Variants in PATL1 observed in about 807,000 individuals in gnomAD.
PATL1 encodes the protein PAT1 homolog 1, processing body mRNA decay factor.
Under a neutral mutation model 100.6 loss-of-function variants are expected in PATL1, and 32 were observed. The observed-to-expected ratio is 0.32, with a 90% CI of 0.24 to 0.43. The LOEUF is 0.43. PATL1 is among the 20% of genes least tolerant of loss of function. PATL1 has a pLI of 1.00. For missense variants in PATL1, 747 were observed against 949.9 expected (o/e 0.79, Z 2.81); for synonymous variants, 332 against 330.0 (o/e 1.01, Z -0.07).
In PATL1 at chr11:59,655,984, T is replaced by G; in HGVS notation, c.785A>C (p.Gln262Pro). 3.8e-6 allele frequency: 6 copies of G among 1,599,834 alleles called. No homozygotes were observed. The highest frequency in any genetic ancestry group is 5.1e-6 in the Non-Finnish European group (6 of 1,175,196). The change falls in exon 7 of 19, where the codon CAG becomes CCG. Residue 262 changes from glutamine (Q) to proline (P), a missense_variant. By Grantham distance (76) the Gln-to-Pro change is moderately conservative. Coordinates refer to ENST00000300146, the MANE Select transcript of PATL1 (RefSeq NM_152716.3). ...PSVPPVLSPL[Q>P]RAQLLGGAQL... is the part of the protein sequence containing the mutation. ...TGCTCCTCCAAGAAGCTGTGCTCTC[T>G]GGAGGGGGCTGAGAACAGGAGGAAC...
At chr11:59,664,237 A>G (rs181659400) in intron 2 of PATL1, among the ~76,000 whole-genome samples, 2 of 152,174 alleles carry the variant, frequency 1.3e-5, no homozygotes, top group East Asian at 3.9e-4. Flanking sequence ...CTTCTTTCCC[A>G]TCATATAAAA....
At chr11:59,661,160 CT>C (rs1289024669) in intron 2 of PATL1, among the ~76,000 whole-genome samples, 1 of 152,212 alleles carries the variant, frequency 6.6e-6, no homozygotes, top group Non-Finnish European at 1.5e-5. Context: ...ATCTGGCTCA[CT>C]GCAGTCTCAA....
chr11:59,656,180 GA>G, intron 6 of PATL1, 135 bp from the exon 7 acceptor site: 2 of 578,380 alleles, frequency 3.5e-6, no homozygotes, highest in Non-Finnish European at 2.9e-6. Context: ...CTCTGGAATA[GA>G]AAAAAAGAGT....
chr11:59,663,982 T>TA (rs1861657296), intron 2 of PATL1, among the ~76,000 whole-genome samples: 1 of 152,180 alleles, frequency 6.6e-6, no homozygotes, highest in Admixed American at 6.5e-5. Context: ...ACCAAGCTGT[T>TA]ATGAGGAATT....
intron 2 of PATL1, among the ~76,000 whole-genome samples, chr11:59,665,800 T>C (rs115840223): frequency 4.6e-5 from 7 of 151,814 alleles, no homozygotes; most frequent in Non-Finnish European, 1.0e-4. Context: ...CAAATATATG[T>C]GTATGTATAC....
chr11:59,646,021 ATTC>A (rs1048623812), intron 15 of PATL1, among the ~76,000 whole-genome samples: 7 of 152,158 alleles, frequency 4.6e-5, no homozygotes, highest in African/African-American at 1.2e-4. Context: ...GCATTTTTGC[ATTC>A]TTATCTTTTA....
chr11:59,655,684 A>G lies in PATL1; in HGVS notation c.870T>C (p.Gly290=), dbSNP rs536047112. 2 of 1,605,440 alleles carry G rather than the reference A, an allele frequency of 1.2e-6. No individual in the cohort carries two copies. The highest frequency in any genetic ancestry group is 2.2e-5 in the East Asian group (1 of 44,598). ...SQFARVPGFV[G]SPLAAMNPKL... ...TGGGATTCATGGCAGCAAGTGGACT[A>G]CCAACAAATCCAGGGACCCGTGCAA... is the stretch of plus-strand genomic sequence containing the variant. Residue 290 remains glycine, a synonymous_variant, in exon 8 of 19, where the codon GGT becomes GGC. Transcript: ENST00000300146.
Position 59,666,966 on chromosome 11 carries a change from T to A in PATL1, c.16-2A>T, listed in dbSNP as rs1565137455. The A allele has an allele frequency of 4.0e-6, 6 of 1,514,594 alleles. No homozygotes were observed. In the Admixed American group the frequency reaches 1.1e-4, roughly 28 times the overall value. The allele number at this position is 1,514,594 out of a possible 1,614,324, so 93.8% of individuals were successfully genotyped here. ...ATCCAGAGGACAATCCTCCAAAGAC[T>A]AAAAAAAAAGAAAAGACATTAGTTA... On this transcript the variant is annotated splice_acceptor_variant, in intron 1 of 18. Transcript: ENST00000300146. LOFTEE classifies it high-confidence loss of function.
At position 59,650,730 on chromosome 11, in the gene PATL1, T is replaced by A. The variant is rs910717771; in HGVS notation, c.1584+24A>T. 3 of 1,510,738 alleles carry A rather than the reference T, an allele frequency of 2.0e-6. No homozygotes were observed. The East Asian group carries it at 7.2e-5, about 36-fold the overall frequency. 93.6% of individuals were successfully genotyped at this position (1,510,738 alleles called of 1,614,324 possible). A position where few individuals can be genotyped will look rare whatever the true frequency, so the allele number is the denominator to read the frequency against. ...TGACAGTTCCGTATTTGAAACTAAC[T>A]ACAGCAACAAATTCTAAACTTACTT... On this transcript the variant is annotated intron_variant, in intron 13 of 18. Coordinates refer to ENST00000300146, the MANE Select transcript of PATL1 (RefSeq NM_152716.3).
In PATL1 at chr11:59,655,962, T is replaced by C. The variant is rs1861523696; in HGVS notation, c.807A>G (p.Gly269=). 5 of 1,587,784 alleles carry C rather than the reference T, an allele frequency of 3.1e-6. No individual in the cohort carries two copies. The highest frequency in any genetic ancestry group is 4.3e-6 in the Non-Finnish European group (5 of 1,166,558). The change falls in exon 7 of 19, where the codon GGA becomes GGG. Residue 269 remains glycine, a synonymous_variant. Transcript: ENST00000300146. The stretch of plus-strand genomic sequence containing the variant: ...GGGCTAATCACAGGCTTACCTGTGC[T>C]CCTCCAAGAAGCTGTGCTCTCTGGA... ...SPLQRAQLLG[G]AQLQPGRMSP...
At chr11:59,665,071 C>T (rs1861669290) in intron 2 of PATL1, among the ~76,000 whole-genome samples, 2 of 152,182 alleles carry the variant, frequency 1.3e-5, no homozygotes, top group African/African-American at 4.8e-5. Context: ...GTCTTTGATT[C>T]CTTTCCATCA....
intron 2 of PATL1, among the ~76,000 whole-genome samples, 168 bp downstream of exon 2, chr11:59,666,685 A>G (rs1861695647): frequency 6.6e-6 from 1 of 152,248 alleles, no homozygotes; most frequent in Non-Finnish European, 1.5e-5. Context: ...GGAGCAGGAT[A>G]GGTGCTGTTT....
chr11:59,668,383 G>A (rs1861721979), intron 1 of PATL1, among the ~76,000 whole-genome samples: 2 of 152,140 alleles, frequency 1.3e-5, no homozygotes, highest in African/African-American at 2.4e-5. Context: ...AACGGGCTGG[G>A]GCCCTAATCC....
chr11:59,657,942 T>C (rs1286370613), intron 4 of PATL1, among the ~76,000 whole-genome samples: 7 of 151,910 alleles, frequency 4.6e-5, no homozygotes, highest in African/African-American at 1.7e-4. Flanking sequence ...GGTGGGAGGA[T>C]CACTTGAAGC....
chr11:59,639,840 A>T (rs897676389), intron 16 of PATL1: 1 of 154,714 alleles, frequency 6.5e-6, no homozygotes, highest in African/African-American at 2.4e-5. Context: ...AACAAGGTGT[A>T]AACTGTAGGA....
intron 9 of PATL1, among the ~76,000 whole-genome samples, chr11:59,653,564 A>C (rs918801281): frequency 6.6e-6 from 1 of 152,212 alleles, no homozygotes; most frequent in Admixed American, 6.5e-5. Flanking sequence ...ATTTGCTTCA[A>C]ATATTTTAAA....
chr11:59,668,209 T>G (rs904112223), intron 1 of PATL1, among the ~76,000 whole-genome samples: 1 of 152,132 alleles, frequency 6.6e-6, no homozygotes, highest in African/African-American at 2.4e-5. Context: ...GTCCAGAGAT[T>G]AGGAGTCACT....
chr11:59,652,423 A>G lies in PATL1; in HGVS notation c.1426+41T>C, dbSNP rs200107544. 3.2e-6 allele frequency: 5 copies of G among 1,580,942 alleles called. No individual in the cohort carries two copies. In the South Asian group the frequency reaches 3.5e-5, roughly 11 times the overall value. On this transcript the variant is annotated intron_variant, in intron 11 of 18. Transcript: ENST00000300146. ...ATTTAATCACATCAGCAGCTTCTCA[A>G]ATTTCTTTTATTATGGGCATTTTTC...
intron 2 of PATL1, among the ~76,000 whole-genome samples, chr11:59,659,961 T>A (rs578086902): frequency 5.7e-4 from 86 of 152,208 alleles, no homozygotes; most frequent in Admixed American, 1.2e-3. Context: ...TTTTTATAAG[T>A]AAAAGCAAAT....
Sources: gnomAD v4.1 joint callset for allele counts (sites outside exome capture counted in the v4.1 genomes callset) on GRCh38, gnomAD v4.1.1 for gene constraint, MANE v1.5 for transcripts, NCBI Gene and HGNC (gene_info 2026-07-23, HGNC 2026-07-21) for gene names.